AHCTF1: variants seen among roughly 807,000 people sequenced by gnomAD.
The protein encoded by AHCTF1 is AT-hook containing transcription factor 1.
In AHCTF1, 24 loss-of-function variants were observed where a neutral mutation model predicts 248.4. The ratio of observed to expected loss-of-function variants is 0.10; its 90% CI spans 0.07 to 0.14. The LOEUF (loss-of-function observed/expected upper bound fraction) is 0.14, where lower values mean the gene tolerates loss of function less well. Among genes scored for constraint, AHCTF1 ranks in the 10% least tolerant of loss-of-function variants. The pLI is 1.00. For synonymous variants in AHCTF1, 786 were observed against 929.8 expected, an observed-to-expected ratio of 0.85 and a Z score of 2.81; for missense variants, 2,206 against 2,636.2, an observed-to-expected ratio of 0.84 and a Z score of 3.57.
chr1:246,905,767 A>G (rs1665344996), intron 5 of AHCTF1, 110 bp from the exon 6 acceptor site: 2 of 758,790 alleles, frequency 2.6e-6, no homozygotes, highest in East Asian at 2.8e-5. Context: ...CTTCCCCAGA[A>G]TAAGTGATCT....
chr1:246,851,814 C>T (rs577532215), intron 32 of AHCTF1: 56 of 179,300 alleles, frequency 3.1e-4, no homozygotes, highest in African/African-American at 1.3e-3. Flanking sequence ...AACCCCCAAA[C>T]TGTGTTTTAA....
chr1:246,846,146 G>A (rs2103033164), intron 33 of AHCTF1, among the ~76,000 whole-genome samples: 1 of 149,452 alleles, frequency 6.7e-6, no homozygotes, highest in East Asian at 2.0e-4. Context: ...AATATCTGCT[G>A]TATGAAATGT....
At chr1:246,844,109 C>G (rs1660075297) in intron 33 of AHCTF1, among the ~76,000 whole-genome samples, 181 bp from the exon 34 acceptor site, 1 of 152,162 alleles carries the variant, frequency 6.6e-6, no homozygotes, top group African/African-American at 2.4e-5. Flanking sequence ...AAAATCCCAG[C>G]ATCATTTGGG....
rs772810319 is a variant in AHCTF1 at position 246,898,217 on chromosome 1, A to T, written c.1614T>A (p.Ser538Arg). ...SPRFVDVQPS[S>R]LSQEEQLEAI... Reference sequence around the variant, plus strand: ...TTAAAAATCATCTCACTTGGCTTAAACTGGAAGGCTGAACATCAACAAATC... The same window carrying T: ...TTAAAAATCATCTCACTTGGCTTAATCTGGAAGGCTGAACATCAACAAATC... Residue 538 changes from serine to arginine, a missense_variant, in exon 12 of 36, where the codon AGT becomes AGA. Transcript: ENST00000648844. 6.2e-7 allele frequency: 1 copy of T among 1,612,184 alleles called. No individual in the cohort carries two copies. The highest frequency in any genetic ancestry group is 1.1e-5 in the South Asian group (1 of 90,986).
chr1:246,930,401 T>C (rs1055656537), intron 1 of AHCTF1, among the ~76,000 whole-genome samples: 1 of 152,054 alleles, frequency 6.6e-6, no homozygotes, highest in Non-Finnish European at 1.5e-5. Context: ...AGGATCAGGA[T>C]CCAAAAATCA....
At chr1:246,905,497 C>CAA in intron 6 of AHCTF1, 44 bp downstream of exon 6, 1 of 1,529,200 alleles carries the variant, frequency 6.5e-7, no homozygotes, top group African/African-American at 1.4e-5. Context: ...ACTCTGTCTC[C>CAA]AAAAAAACAA....
At position 246,896,738 on chromosome 1, in the gene AHCTF1, T is replaced by C. The variant is rs186170215; in HGVS notation, c.1624-813A>G. Among the ~76,000 whole-genome samples the C allele has an allele frequency of 6.5e-3, 986 of 152,324 alleles. 9 individuals carry two copies. The highest frequency in any genetic ancestry group is 0.031 in the South Asian group (152 of 4,828). ...GGTGTATGAAATATCTCAATAAAGC[T>C]GATATTTTGAAAATCACTGAGTCTG... On this transcript the variant is annotated intron_variant, in intron 12 of 35. Coordinates refer to ENST00000648844, the MANE Select transcript of AHCTF1 (RefSeq NM_001323342.2).
Position 246,862,129 on chromosome 1 carries a change from C to A in AHCTF1, c.3565G>T (p.Val1189Phe), listed in dbSNP as rs765078510. 3.1e-6 allele frequency: 5 copies of A among 1,606,598 alleles called. No homozygotes were observed. The African/African-American group carries it at 5.4e-5, about 17-fold the overall frequency. Reference protein sequence around the residue: ...VKKAKSLAMSVTTSGFSEFTP... With the variant: ...VKKAKSLAMSFTTSGFSEFTP... ...AACTCAGAAAATCCAGAAGTAGTAACTGACATGGCCAAACTTTTAGCTTTC... is the reference window on the plus strand; with the variant it reads ...AACTCAGAAAATCCAGAAGTAGTAAATGACATGGCCAAACTTTTAGCTTTC... The change falls in exon 28 of 36, where the codon GTT becomes TTT. Residue 1189 changes from valine (V) to phenylalanine (F), a missense_variant. Val to Phe is a conservative substitution (Grantham distance 50). Transcript: ENST00000648844.
intron 6 of AHCTF1, among the ~76,000 whole-genome samples, chr1:246,905,017 A>G (rs1257213733): frequency 2.0e-5 from 3 of 152,242 alleles, no homozygotes; most frequent in Non-Finnish European, 1.5e-5. Context: ...TGTGAAAAAC[A>G]TTCAAGTAAG....
chr1:246,929,373 C>T (rs1572485760), intron 1 of AHCTF1, among the ~76,000 whole-genome samples: 1 of 151,894 alleles, frequency 6.6e-6, no homozygotes, highest in Non-Finnish European at 1.5e-5. Context: ...CACGCCATTG[C>T]ACTCTAGCTT....
intron 33 of AHCTF1, among the ~76,000 whole-genome samples, chr1:246,845,701 T>TGGC (rs1409522951): frequency 6.6e-6 from 1 of 152,184 alleles, no homozygotes; most frequent in African/African-American, 2.4e-5. Flanking sequence ...AGATGAGACT[T>TGGC]TCTTGAGTGT....
In AHCTF1 at chr1:246,849,922, T is replaced by C. The variant is rs770219573; in HGVS notation, c.6084A>G (p.Gly2028=). 3.1e-6 allele frequency: 5 copies of C among 1,613,902 alleles called. No individual in the cohort carries two copies. The African/African-American group carries it at 5.3e-5, about 17-fold the overall frequency. The change falls in exon 33 of 36, where the codon GGA becomes GGG. Residue 2028 remains glycine (G), a synonymous_variant. Coordinates refer to ENST00000648844, the MANE Select transcript of AHCTF1 (RefSeq NM_001323342.2). The part of the protein sequence containing the change: ...ENVDVGKPAL[G]KSILVPNEEL... ...CCTCGTTTGGCACTAAAATGGATTT[T>C]CCTAAAGCTGGTTTTCCAACATCAA... is the stretch of plus-strand genomic sequence containing the variant.
intron 1 of AHCTF1, among the ~76,000 whole-genome samples, chr1:246,921,619 A>G (rs1177749377): frequency 1.3e-5 from 2 of 152,162 alleles, no homozygotes; most frequent in African/African-American, 4.8e-5. Flanking sequence ...CCAGATTTAC[A>G]GACACACCGA....
At position 246,916,265 on chromosome 1, in the gene AHCTF1, T is replaced by C; in HGVS notation, c.252A>G (p.Lys84=). The stretch of plus-strand genomic sequence containing the variant: ...CAGTTCTCTTCTGCCAAGAGAATTC[T>C]TTCACAGCTAAAACTACAGGAGGCT... ...NEQPPVVLAV[K]EFSWQKRTGL... The change falls in exon 3 of 36, where the codon AAA becomes AAG. Residue 84 remains lysine, a synonymous_variant. Transcript: ENST00000648844. The C allele has an allele frequency of 6.2e-7, 1 of 1,609,888 alleles. No individual in the cohort carries two copies. The highest frequency in any genetic ancestry group is 8.5e-7 in the Non-Finnish European group (1 of 1,176,510).
At chr1:246,910,466 T>G (rs1369745343) in intron 4 of AHCTF1, among the ~76,000 whole-genome samples, 1 of 152,192 alleles carries the variant, frequency 6.6e-6, no homozygotes, top group Non-Finnish European at 1.5e-5. Flanking sequence ...ATATCCCTAT[T>G]TGCTTTAAAC....
At chr1:246,922,982 C>CA (rs34313695) in intron 1 of AHCTF1, among the ~76,000 whole-genome samples, 773 of 63,756 alleles carry the variant, frequency 0.012, 20 homozygotes, top group Admixed American at 0.043. Context: ...GACTCTGTCT[C>CA]AAAAAAAAAA....
intron 35 of AHCTF1, 107 bp from the exon 36 acceptor site, chr1:246,841,105 A>C: frequency 1.1e-6 from 1 of 899,958 alleles, no homozygotes; most frequent in Non-Finnish European, 1.6e-6. Flanking sequence ...TAGTGCTTTC[A>C]TTTTATAAAA....
intron 24 of AHCTF1, 107 bp from the exon 25 acceptor site, chr1:246,867,918 C>T (rs886649214): frequency 2.4e-5 from 11 of 459,922 alleles, no homozygotes; most frequent in Admixed American, 6.0e-5. Context: ...CACACACACA[C>T]ACATTACGTG....
At chr1:246,927,148 A>T (rs1485080233) in intron 1 of AHCTF1, among the ~76,000 whole-genome samples, 1 of 151,788 alleles carries the variant, frequency 6.6e-6, no homozygotes, top group Non-Finnish European at 1.5e-5. Flanking sequence ...ACTGCACTCC[A>T]GCCTGGGCGA....
Sources: gnomAD v4.1 joint callset for allele counts (sites outside exome capture counted in the v4.1 genomes callset) on GRCh38, gnomAD v4.1.1 for gene constraint, MANE v1.5 for transcripts, NCBI Gene and HGNC (gene_info 2026-07-23, HGNC 2026-07-21) for gene names.